The following NOL6 variants were observed in gnomAD, a reference collection of about 807,000 sequenced individuals.
The protein encoded by NOL6 is nucleolar RNA-associated protein.
A neutral mutation model predicts 131.7 loss-of-function variants in NOL6; 33 were observed. The ratio of observed to expected loss-of-function variants is 0.25; its 90% CI spans 0.19 to 0.33. NOL6 has a LOEUF of 0.33. Ranked by LOEUF, NOL6 falls within the 10% of genes least tolerant of loss-of-function variation. The pLI, the probability that NOL6 is intolerant of heterozygous loss-of-function variation, is 1.00. For missense variants in NOL6, 1,297 were observed against 1,494.5 expected, an observed-to-expected ratio of 0.87 and a Z score of 2.18; for synonymous variants, 580 against 605.7, an observed-to-expected ratio of 0.96 and a Z score of 0.62.
rs1386431272 is a variant in NOL6, at chr9:33,467,025, G to A, written c.1875-38C>T. 1.4e-5 allele frequency: 23 copies of A among 1,613,800 alleles called. No individual in the cohort carries two copies. Among genetic ancestry groups the A allele is most frequent in the Non-Finnish European group, 1.9e-5 (23 of 1,179,796 alleles). ...CAGAGACACAGTGAGAAAATTTGGGGCTATGTTCTCGCTCAACTGCCTGGG... is the reference window on the plus strand; with the variant it reads ...CAGAGACACAGTGAGAAAATTTGGGACTATGTTCTCGCTCAACTGCCTGGG... On this transcript the variant is annotated intron_variant, in intron 14 of 25. Coordinates refer to ENST00000297990, the MANE Select transcript of NOL6 (RefSeq NM_022917.5). The surrounding 1 kb of genome is among the most constrained non-coding windows in gnomAD (Gnocchi z 4.4).
chr9:33,462,333 G>A lies in NOL6; in HGVS notation c.*331C>T, dbSNP rs1059975. 3 of 679,768 alleles carry A rather than the reference G, an allele frequency of 4.4e-6. No individual in the cohort carries two copies. Among genetic ancestry groups the A allele is most frequent in the Non-Finnish European group, 8.1e-6 (3 of 368,344 alleles). 42.1% of individuals were successfully genotyped at this position (679,768 alleles called of 1,614,324 possible). A position where few individuals can be genotyped will look rare whatever the true frequency, so the allele number is the denominator to read the frequency against. On this transcript the variant is annotated 3_prime_UTR_variant, in exon 26 of 26. Transcript: ENST00000297990. ...TTCTCTGTTTCTGGAAGAAGACTAA[G>A]AAAGGAGTGGGAAATCGCAGGGAGG... is the stretch of plus-strand genomic sequence containing the variant.
intron 24 of NOL6, 44 bp downstream of exon 24, chr9:33,463,202 AC>A: frequency 6.2e-7 from 1 of 1,611,074 alleles, no homozygotes; most frequent in Non-Finnish European, 8.5e-7. Flanking sequence ...CCTCAGCTTC[AC>A]CTGGAAGTCC....
intron 18 of NOL6, 36 bp downstream of exon 18, chr9:33,466,035 C>G (rs755715443): frequency 6.4e-7 from 1 of 1,562,102 alleles, no homozygotes; most frequent in East Asian, 2.3e-5. Flanking sequence ...TGGTGCCCCC[C>G]TTCCCTGGGG....
chr9:33,462,253 G>C lies in NOL6; in HGVS notation c.*411C>G, dbSNP rs1473671457. 4.2e-6 allele frequency: 3 copies of C among 716,408 alleles called. No homozygotes were observed. The highest frequency in any genetic ancestry group is 7.8e-6 in the Non-Finnish European group (3 of 384,988). 44.4% of individuals were successfully genotyped at this position (716,408 alleles called of 1,614,324 possible). A position where few individuals can be genotyped will look rare whatever the true frequency, so the allele number is the denominator to read the frequency against. Reference sequence around the variant, plus strand: ...TGCAGTGAAGGGCATGCTAAGTCTAGGCACAGGTCCTGGCAGCAGGAAGGA... The same window carrying C: ...TGCAGTGAAGGGCATGCTAAGTCTACGCACAGGTCCTGGCAGCAGGAAGGA... On this transcript the variant is annotated 3_prime_UTR_variant, in exon 26 of 26. Transcript: ENST00000297990.
In NOL6 at chr9:33,466,725, C is replaced by T. The variant is rs1313288619; in HGVS notation, c.1951-16G>A. 5.6e-6 allele frequency: 9 copies of T among 1,612,932 alleles called. No individual in the cohort carries two copies. Among genetic ancestry groups the T allele is most frequent in the East Asian group, 2.2e-5 (1 of 44,892 alleles). ...TGCTGGAGGTCTGAGAGGGAGAAGA[C>T]GGTCAGGAGGCTGGACCCTACAGAA... is the stretch of plus-strand genomic sequence containing the variant. On this transcript the variant is annotated splice_polypyrimidine_tract_variant and intron_variant, in intron 15 of 25. Coordinates refer to ENST00000297990, the MANE Select transcript of NOL6 (RefSeq NM_022917.5).
Position 33,466,579 on chromosome 9 carries a change from C to T in NOL6, c.2081G>A (p.Arg694His), listed in dbSNP as rs777174045. 23 of 1,614,110 alleles carry T rather than the reference C, an allele frequency of 1.4e-5. No homozygotes were observed. Among genetic ancestry groups the T allele is most frequent in the African/African-American group, 4.0e-5 (3 of 75,044 alleles). Residue 694 changes from arginine to histidine, a missense_variant, in exon 16 of 26, where the codon CGC becomes CAC. By Grantham distance (29) the Arg-to-His change is conservative. Transcript: ENST00000297990. ...ACCGTTGCACCTCACCTCTGTGTAG[C>T]GCAGCACTGGGTGAGCTCCCTGAAC... ...SAVQGAHPVL[R>H]YTEVFPPTPV...
Position 33,467,937 on chromosome 9 carries a change from A to C in NOL6, c.1425-69T>G. The C allele has an allele frequency of 6.3e-7, 1 of 1,598,086 alleles. No individual in the cohort carries two copies. On this transcript the variant is annotated intron_variant, in intron 11 of 25. Transcript: ENST00000297990. This position sits in a 1 kb window ranked among gnomAD's most constrained non-coding sequence, Gnocchi z 4.4. The stretch of plus-strand genomic sequence containing the variant: ...GCCCCTAGTACCACCTCCTCCCTGA[A>C]TGATCTGAGCACCTGTCTGAAGACC...
rs1327518095 is a variant in NOL6 at position 33,463,138 on chromosome 9, G to C, written c.3190-4C>G. The C allele has an allele frequency of 1.1e-5, 18 of 1,611,926 alleles. No individual in the cohort carries two copies. Among genetic ancestry groups the C allele is most frequent in the Non-Finnish European group, 1.4e-5 (17 of 1,178,888 alleles). On this transcript the variant is annotated splice_region_variant and splice_polypyrimidine_tract_variant and intron_variant, in intron 24 of 25. Coordinates refer to ENST00000297990, the MANE Select transcript of NOL6 (RefSeq NM_022917.5). ...GGGCCAGATCCCCAAAGGCCTCCTA[G>C]AAAGGGACAGAACAGAGAAGATTAT...
rs199801403 is a variant in NOL6, at chr9:33,465,796, A to G, written c.2466T>C (p.Ala822=). 1.5e-4 allele frequency: 239 copies of G among 1,613,834 alleles called. No homozygotes were observed. The highest frequency in any genetic ancestry group is 1.9e-4 in the Non-Finnish European group (229 of 1,179,936). Residue 822 remains alanine (A), a synonymous_variant, in exon 19 of 26, where the codon GCT becomes GCC. Coordinates refer to ENST00000297990, the MANE Select transcript of NOL6 (RefSeq NM_022917.5). ...TGTCTCTCTCAAGGCGGAGGGAGGC[A>G]GCTGTGTCCCTCAGCGAGATCATCC... The part of the protein sequence containing the change: ...PEGMISLRDT[A]ASLRLERDTR...
chr9:33,463,701 C>A, intron 23 of NOL6, 130 bp downstream of exon 23: 1 of 1,003,464 alleles, frequency 1.0e-6, no homozygotes, highest in Non-Finnish European at 1.5e-6. Flanking sequence ...GGCACCACAG[C>A]AGCTTCAACA....
chr9:33,466,464 G>T (rs1371230525), intron 16 of NOL6, 39 bp from the exon 17 acceptor site: 3 of 1,612,298 alleles, frequency 1.9e-6, no homozygotes, highest in East Asian at 4.5e-5. Context: ...GCCTAGGACT[G>T]GGAGGGAGTG....
Position 33,472,233 on chromosome 9 carries a change from C to T in NOL6, c.234G>A (p.Leu78=). 6.2e-7 allele frequency: 1 copy of T among 1,614,216 alleles called. No homozygotes were observed. Reference sequence around the variant, plus strand: ...GTAAACGAAGCAAGCTGGAGTGGAACAAGATCTCAGTCTCCCGAAGGCGAT... The same window carrying T: ...GTAAACGAAGCAAGCTGGAGTGGAATAAGATCTCAGTCTCCCGAAGGCGAT... ...ELNRLRETEI[L]FHSSLLRLQV... The change falls in exon 2 of 26, where the codon TTG becomes TTA. Residue 78 remains leucine (L), a synonymous_variant. Transcript: ENST00000297990.
Position 33,473,907 on chromosome 9 carries a change from A to T in NOL6, c.-65T>A. On this transcript the variant is annotated 5_prime_UTR_variant, in exon 1 of 26. Coordinates refer to ENST00000297990, the MANE Select transcript of NOL6 (RefSeq NM_022917.5). ...CCGGGTCTATACCTCATAGCTTCCC[A>T]CGTGGGCGGAAATGCCTAACTCCAG... 6.3e-7 allele frequency: 1 copy of T among 1,580,536 alleles called. No homozygotes were observed.
rs977989716 is a variant in NOL6 at position 33,466,823 on chromosome 9, A to C, written c.1950+89T>G. The C allele has an allele frequency of 4.4e-6, 7 of 1,574,500 alleles. No individual in the cohort carries two copies. In the African/African-American group the frequency reaches 9.5e-5, roughly 21 times the overall value. ...AGCACCGCCGCCTGCTGGACATGCC[A>C]GGAAGTGCAAGCTGGCCAAGGCTGA... is the stretch of plus-strand genomic sequence containing the variant. On this transcript the variant is annotated intron_variant, in intron 15 of 25. Coordinates refer to ENST00000297990, the MANE Select transcript of NOL6 (RefSeq NM_022917.5).
intron 3 of NOL6, among the ~76,000 whole-genome samples, chr9:33,471,763 C>A (rs1294505961): frequency 6.6e-6 from 1 of 152,196 alleles, no homozygotes; most frequent in African/African-American, 2.4e-5. Flanking sequence ...TAACTATAAC[C>A]TCAGCATTAC....
chr9:33,469,318 C>T lies in NOL6; in HGVS notation c.751G>A (p.Val251Ile). The T allele has an allele frequency of 6.2e-7, 1 of 1,614,028 alleles. No homozygotes were observed. The highest frequency in any genetic ancestry group is 2.2e-5 in the East Asian group (1 of 44,864). ...PRGKDERLVT[V>I]RLHPCPPPDF... ...GGTGGAGGGCACGGATGCAGACGTA[C>T]AGTGACCAGGCGCTCATCCTTTCCT... is the stretch of plus-strand genomic sequence containing the variant. The change falls in exon 6 of 26, where the codon GTA (valine) becomes ATA (isoleucine). Residue 251 changes from valine to isoleucine, a missense_variant. Val to Ile is a conservative substitution (Grantham distance 29, BLOSUM62 3). Coordinates refer to ENST00000297990, the MANE Select transcript of NOL6 (RefSeq NM_022917.5).
At chr9:33,465,584 C>T in intron 19 of NOL6, 150 bp downstream of exon 19, 1 of 1,036,636 alleles carries the variant, frequency 9.6e-7, no homozygotes, top group Non-Finnish European at 1.4e-6. Context: ...CAGTAAGTGG[C>T]AGAGCCAGGA....
At position 33,464,151 on chromosome 9, in the gene NOL6, C is replaced by T. The variant is rs1455201868; in HGVS notation, c.2790G>A (p.Gln930=). 3 of 1,608,960 alleles carry T rather than the reference C, an allele frequency of 1.9e-6. No homozygotes were observed. Among genetic ancestry groups the T allele is most frequent in the Non-Finnish European group, 2.5e-6 (3 of 1,177,504 alleles). Residue 930 remains glutamine, a synonymous_variant, in exon 22 of 26, where the codon CAG becomes CAA. Coordinates refer to ENST00000297990, the MANE Select transcript of NOL6 (RefSeq NM_022917.5). ...NLNNELTVEE[Q]VEIRSGFLAA... ...CCAGGAAGCCACTGCGGATCTCCAC[C>T]TGCTCCTCCACTAGAGACAAGAATG... is the stretch of plus-strand genomic sequence containing the variant.
chr9:33,464,786 C>G, intron 21 of NOL6, 93 bp downstream of exon 21: 1 of 858,028 alleles, frequency 1.2e-6, no homozygotes, highest in Admixed American at 2.0e-5. Context: ...GCTGGGGAGG[C>G]ACAGAGAAAA....
Sources: allele counts gnomAD v4.1 joint callset (sites outside exome capture counted in the v4.1 genomes callset), GRCh38; gene constraint gnomAD v4.1.1; non-coding constraint Gnocchi (gnomAD v3.1); transcripts MANE v1.5; gene names NCBI Gene and HGNC (gene_info 2026-07-23, HGNC 2026-07-21).